NRXN1: variants seen among roughly 807,000 people sequenced by gnomAD.
NRXN1 encodes neurexin 1.
A neutral mutation model predicts 150.9 loss-of-function variants in NRXN1; 39 were observed. That is an observed-to-expected ratio of 0.26 (90% confidence interval 0.20 to 0.34). The LOEUF (loss-of-function observed/expected upper bound fraction) is 0.34. NRXN1 is among the 10% of genes least tolerant of loss of function. The pLI is 1.00. For synonymous variants in NRXN1, 924 were observed against 757.0 expected (o/e 1.22, Z -3.62); for missense variants, 1,815 against 1,949.9 (o/e 0.93, Z 1.30).
chr2:50,963,273 C>A (rs774403169), intron 2 of NRXN1, among the ~76,000 whole-genome samples: 1 of 151,574 alleles, frequency 6.6e-6, no homozygotes, highest in Non-Finnish European at 1.5e-5. Flanking sequence ...AAGAAAAACA[C>A]TGACTCAGAC....
chr2:50,394,417 A>G (rs1282351740), intron 17 of NRXN1, among the ~76,000 whole-genome samples: 2 of 152,168 alleles, frequency 1.3e-5, no homozygotes, highest in Non-Finnish European at 2.9e-5. Flanking sequence ...TTCCGCTAAT[A>G]ACACCACTAT....
chr2:50,229,181 C>A (rs538648502), intron 18 of NRXN1, among the ~76,000 whole-genome samples: 1 of 152,092 alleles, frequency 6.6e-6, no homozygotes, highest in East Asian at 1.9e-4. Flanking sequence ...TAGAGTGGGC[C>A]AGCATCAGCA....
At chr2:50,740,700 T>C (rs1477179397) in intron 5 of NRXN1, among the ~76,000 whole-genome samples, 1 of 152,154 alleles carries the variant, frequency 6.6e-6, no homozygotes, top group Non-Finnish European at 1.5e-5. Context: ...ACTGGCAGAA[T>C]TAAAGTTGGT....
intron 21 of NRXN1, among the ~76,000 whole-genome samples, chr2:49,948,165 G>A (rs1673289492): frequency 6.6e-6 from 1 of 151,890 alleles, no homozygotes; most frequent in Non-Finnish European, 1.5e-5. Flanking sequence ...AAAATTCATG[G>A]GCTACAACTG....
intron 8 of NRXN1, among the ~76,000 whole-genome samples, chr2:50,578,700 A>G (rs1671799423): frequency 6.6e-6 from 1 of 152,106 alleles, no homozygotes; most frequent in Admixed American, 6.5e-5. Context: ...TTAACAGTGT[A>G]TGTTATAATA....
chr2:50,053,140 C>A (rs1692988034), intron 21 of NRXN1, 131 bp downstream of exon 21: 2 of 851,150 alleles, frequency 2.3e-6, no homozygotes, highest in Non-Finnish European at 3.9e-6. Flanking sequence ...TTATGTTAAG[C>A]TAGTTTCAAA....
At chr2:50,124,413 A>G (rs1192970629) in intron 18 of NRXN1, among the ~76,000 whole-genome samples, 1 of 152,172 alleles carries the variant, frequency 6.6e-6, no homozygotes, top group East Asian at 1.9e-4. Flanking sequence ...TTCATATCAC[A>G]TACGATATTT....
chr2:50,183,017 G>T (rs969055777), intron 18 of NRXN1, among the ~76,000 whole-genome samples: 1 of 152,058 alleles, frequency 6.6e-6, no homozygotes, highest in Admixed American at 6.6e-5. Flanking sequence ...TAGAGAGAAT[G>T]ATATTGAGTC....
At chr2:50,211,240 G>A (rs193016289) in intron 18 of NRXN1, among the ~76,000 whole-genome samples, 1 of 151,578 alleles carries the variant, frequency 6.6e-6, no homozygotes, top group East Asian at 1.9e-4. Flanking sequence ...CCCTTAAATG[G>A]GTAGATGGGT....
rs549253096 is a variant in NRXN1 at position 50,437,646 on chromosome 2, C to G, written c.3364+27796G>C. Among the ~76,000 whole-genome samples, 26 of 152,132 alleles carry G rather than the reference C, an allele frequency of 1.7e-4. No individual in the cohort carries two copies. In the South Asian group the frequency reaches 5.4e-3, roughly 32 times the overall value. ...GTGGAGGCAAACTCTTGTCTCTGAT[C>G]TTGAAATTATGCTAGTCAGTTCCTA... On this transcript the variant is annotated intron_variant, in intron 17 of 22. Transcript: ENST00000401669.
intron 5 of NRXN1, among the ~76,000 whole-genome samples, chr2:50,845,214 C>A (rs1455174852): frequency 2.0e-5 from 3 of 152,032 alleles, no homozygotes; most frequent in Non-Finnish European, 4.4e-5. Context: ...TTGTATGGAT[C>A]CAGAGAATCA....
intron 18 of NRXN1, among the ~76,000 whole-genome samples, chr2:50,096,353 C>T (rs1362016139): frequency 6.6e-6 from 1 of 152,144 alleles, no homozygotes; most frequent in Non-Finnish European, 1.5e-5. Flanking sequence ...ATTCTTACAA[C>T]ACAACCATCT....
chr2:50,269,247 C>T (rs1010989101), intron 17 of NRXN1, among the ~76,000 whole-genome samples: 3 of 152,120 alleles, frequency 2.0e-5, no homozygotes, highest in Non-Finnish European at 4.4e-5. Flanking sequence ...GCACTCCAGC[C>T]GAGAAGGCAA....
intron 2 of NRXN1, among the ~76,000 whole-genome samples, chr2:50,934,484 C>T (rs1301577445): frequency 1.3e-5 from 2 of 152,068 alleles, no homozygotes; most frequent in Non-Finnish European, 2.9e-5. Flanking sequence ...AGACATATGG[C>T]ATATTTCTAA....
chr2:51,024,378 T>C (rs1012698353), intron 2 of NRXN1, among the ~76,000 whole-genome samples: 16 of 152,206 alleles, frequency 1.1e-4, no homozygotes, highest in African/African-American at 3.9e-4. Flanking sequence ...CCCTTGAATA[T>C]AACACCTGAA....
At chr2:50,097,987 A>G (rs1700467166) in intron 18 of NRXN1, among the ~76,000 whole-genome samples, 1 of 152,028 alleles carries the variant, frequency 6.6e-6, no homozygotes, top group South Asian at 2.1e-4. Flanking sequence ...CTTGGCTGGT[A>G]GAGACTCTGT....
At chr2:50,497,831 CA>C in intron 13 of NRXN1, 117 bp from the exon 14 acceptor site, 1 of 862,886 alleles carries the variant, frequency 1.2e-6, no homozygotes, top group Non-Finnish European at 1.8e-6. Flanking sequence ...CCTTGGTACT[CA>C]GTTGCATATA....
intron 5 of NRXN1, among the ~76,000 whole-genome samples, chr2:50,889,193 T>C (rs1016217088): frequency 6.6e-6 from 1 of 151,698 alleles, no homozygotes; most frequent in African/African-American, 2.4e-5. Context: ...TCTTCATGTA[T>C]TTAAAATCCC....
chr2:50,323,152 C>T (rs910992172), intron 17 of NRXN1, among the ~76,000 whole-genome samples: 34 of 152,148 alleles, frequency 2.2e-4, no homozygotes, highest in Non-Finnish European at 4.7e-4. Flanking sequence ...TATGGTTGTT[C>T]AGAGTCTGTC....
Sources: allele counts gnomAD v4.1 joint callset (sites outside exome capture counted in the v4.1 genomes callset), GRCh38; gene constraint gnomAD v4.1.1; transcripts MANE v1.5; gene names NCBI Gene and HGNC (gene_info 2026-07-23, HGNC 2026-07-21).